Variants in NCKAP5 observed in about 807,000 individuals in gnomAD.
NCKAP5 encodes the protein NCK associated protein 5.
NCKAP5 carries 92 observed loss-of-function variants against 167.0 expected under a neutral mutation model. The observed-to-expected ratio is 0.55, with a 90% CI of 0.47 to 0.66. NCKAP5 has a LOEUF of 0.66. Ranked by LOEUF, NCKAP5 falls within the 30% of genes least tolerant of loss-of-function variation. The pLI is 0.00. For synonymous variants in NCKAP5, 891 were observed against 877.4 expected, an observed-to-expected ratio of 1.02 and a Z score of -0.27; for missense variants, 2,378 against 2,315.0, an observed-to-expected ratio of 1.03 and a Z score of -0.56.
rs116685915 is a variant in NCKAP5, at chr2:132,979,055, C to G, written c.429+15097G>C. Among the ~76,000 whole-genome samples, 751 of 152,282 alleles carry G rather than the reference C, an allele frequency of 4.9e-3. 5 individuals carry two copies. Among genetic ancestry groups the G allele is most frequent in the African/African-American group, 0.017 (702 of 41,564 alleles). On this transcript the variant is annotated intron_variant, in intron 7 of 19. Transcript: ENST00000409261. ...GGGTTCACTGTGAGAATCAGCCCTG[C>G]GGCCTCGCTGCCCACATCCTCTCTG...
chr2:133,129,875 T>C (rs2082537482), intron 6 of NCKAP5, 103 bp downstream of exon 6: 2 of 1,313,282 alleles, frequency 1.5e-6, no homozygotes, highest in African/African-American at 1.5e-5. Context: ...AATTAGCTCA[T>C]CAAACACAAC....
intron 11 of NCKAP5, among the ~76,000 whole-genome samples, chr2:132,815,180 T>C (rs758210480): frequency 7.2e-5 from 11 of 152,230 alleles, no homozygotes; most frequent in Non-Finnish European, 1.5e-4. Flanking sequence ...TATCTTTCTC[T>C]GAGCTTTCCT....
chr2:132,879,914 T>C (rs190433529), intron 8 of NCKAP5, among the ~76,000 whole-genome samples: 1 of 152,364 alleles, frequency 6.6e-6, no homozygotes, highest in African/African-American at 2.4e-5. Context: ...TTCAAACTTA[T>C]ATCAATGGAT....
the NCKAP5 span, among the ~76,000 whole-genome samples, chr2:133,603,885 G>T: frequency 7.9e-5 from 12 of 152,218 alleles, no homozygotes; most frequent in Non-Finnish European, 1.5e-4. Context: ...ATCTTGTTCT[G>T]ATCTCTTAGC....
At chr2:132,998,723 G>T (rs778650451) in intron 6 of NCKAP5, among the ~76,000 whole-genome samples, 4 of 151,686 alleles carry the variant, frequency 2.6e-5, no homozygotes, top group African/African-American at 9.7e-5. Flanking sequence ...TTATTATTTC[G>T]ACGGCTAATG....
intron 8 of NCKAP5, among the ~76,000 whole-genome samples, chr2:132,881,491 T>C (rs1691746731): frequency 6.6e-6 from 1 of 152,096 alleles, no homozygotes; most frequent in Non-Finnish European, 1.5e-5. Context: ...AGTTTGTCTT[T>C]TTATGTTTTT....
In NCKAP5 at chr2:132,812,145, C is replaced by A. The variant is rs183537430; in HGVS notation, c.808-15416G>T. On this transcript the variant is annotated intron_variant, in intron 11 of 19. Coordinates refer to ENST00000409261, the MANE Select transcript of NCKAP5 (RefSeq NM_207363.3). ...GGGCATCTCCTGGGTCCTGCAGGAG[C>A]GGTCGCTTCCTTTGCAGGGTCTGTG... 1.4e-3 allele frequency among the ~76,000 whole-genome samples: 214 copies of A among 152,250 alleles called. 1 individual carries two copies. Among genetic ancestry groups the A allele is most frequent in the African/African-American group, 4.9e-3 (203 of 41,550 alleles).
intron 19 of NCKAP5, among the ~76,000 whole-genome samples, chr2:132,710,893 A>G (rs1332100559): frequency 6.6e-6 from 1 of 152,082 alleles, no homozygotes; most frequent in Non-Finnish European, 1.5e-5. Context: ...TAAAAAAAAG[A>G]TCCGTCTTTT....
the NCKAP5 span, among the ~76,000 whole-genome samples, chr2:133,585,816 A>C: frequency 6.6e-6 from 1 of 152,216 alleles, no homozygotes; most frequent in African/African-American, 2.4e-5. Context: ...CCAAAGGCAG[A>C]ATTCAAATGA....
intron 6 of NCKAP5, among the ~76,000 whole-genome samples, chr2:133,059,071 G>A (rs757623267): frequency 6.6e-6 from 1 of 152,166 alleles, no homozygotes; most frequent in East Asian, 1.9e-4. Context: ...AGGCTGAGGC[G>A]GGCAGATCAC....
At chr2:132,748,583 G>C (rs1263140848) in intron 16 of NCKAP5, among the ~76,000 whole-genome samples, 1 of 152,182 alleles carries the variant, frequency 6.6e-6, no homozygotes, top group African/African-American at 2.4e-5. Flanking sequence ...TTCAAAGCCA[G>C]GTCTTCTAAC....
At chr2:132,964,253 A>G (rs963927307) in intron 7 of NCKAP5, among the ~76,000 whole-genome samples, 3 of 152,230 alleles carry the variant, frequency 2.0e-5, no homozygotes, top group Non-Finnish European at 4.4e-5. Context: ...GCTCCTCAAG[A>G]TAGGGTCATT....
intron 3 of NCKAP5, among the ~76,000 whole-genome samples, chr2:133,393,070 T>C (rs1205596616): frequency 6.6e-6 from 1 of 152,196 alleles, no homozygotes; most frequent in Non-Finnish European, 1.5e-5. Flanking sequence ...CACTGACCGA[T>C]TTGACAGCTC....
intron 19 of NCKAP5, among the ~76,000 whole-genome samples, chr2:132,694,423 C>T (rs1276258864): frequency 2.0e-5 from 3 of 152,038 alleles, no homozygotes; most frequent in African/African-American, 4.8e-5. Context: ...CTACAAATGA[C>T]GGAAAGATTG....
At chr2:133,005,072 G>T (rs1357744940) in intron 6 of NCKAP5, among the ~76,000 whole-genome samples, 1 of 152,060 alleles carries the variant, frequency 6.6e-6, no homozygotes, top group African/African-American at 2.4e-5. Context: ...ATTTCATATT[G>T]TTCAAACACA....
rs574201682 is a variant in NCKAP5 at position 133,510,710 on chromosome 2, G to T, written c.69+6748C>A. Among the ~76,000 whole-genome samples, 5 of 152,336 alleles carry T rather than the reference G, an allele frequency of 3.3e-5. No homozygotes were observed. In the East Asian group the frequency reaches 9.7e-4, roughly 29 times the overall value. On this transcript the variant is annotated intron_variant, in intron 3 of 19. Transcript: ENST00000409261. ...CTTTCACATTGTGAAGCACCGTGAA[G>T]GAGCTCCCAGTCACTGGCATAAAGC...
At chr2:133,629,742 T>C in the NCKAP5 span, among the ~76,000 whole-genome samples, 1 of 152,130 alleles carries the variant, frequency 6.6e-6, no homozygotes, top group African/African-American at 2.4e-5. Context: ...TGCCCATAAA[T>C]GATAGAATGG....
intron 4 of NCKAP5, among the ~76,000 whole-genome samples, chr2:133,228,816 G>A (rs1161844665): frequency 6.6e-6 from 1 of 152,130 alleles, no homozygotes; most frequent in East Asian, 1.9e-4. Context: ...TAAAAATCCA[G>A]AGAATAAAAG....
intron 16 of NCKAP5, among the ~76,000 whole-genome samples, chr2:132,735,267 G>C (rs1303177167): frequency 3.3e-5 from 5 of 152,186 alleles, no homozygotes; most frequent in African/African-American, 1.2e-4. Context: ...CAGTGTTGGA[G>C]CTGGAGGCTG....
Sources: gnomAD v4.1 joint callset for allele counts (sites outside exome capture counted in the v4.1 genomes callset) on GRCh38, gnomAD v4.1.1 for gene constraint, MANE v1.5 for transcripts, NCBI Gene and HGNC (gene_info 2026-07-23, HGNC 2026-07-21) for gene names.